Variants in ARHGAP12 observed in about 807,000 individuals in gnomAD.
ARHGAP12 encodes the protein rho GTPase-activating protein 12.
A neutral mutation model predicts 108.6 loss-of-function variants in ARHGAP12; 64 were observed. The ratio of observed to expected loss-of-function variants is 0.59; its 90% CI spans 0.48 to 0.73. ARHGAP12 has a LOEUF of 0.73. Ranked by LOEUF, ARHGAP12 falls within the 30% of genes least tolerant of loss-of-function variation. ARHGAP12 has a pLI of 0.00. For missense variants in ARHGAP12, 940 were observed against 1,005.9 expected (o/e 0.93, Z 0.89); for synonymous variants, 312 against 337.2 (o/e 0.93, Z 0.82).
At chr10:31,842,562 A>G (rs1033100431) in intron 7 of ARHGAP12, among the ~76,000 whole-genome samples, 1 of 152,076 alleles carries the variant, frequency 6.6e-6, no homozygotes, top group African/African-American at 2.4e-5. Context: ...ACAAAGACCA[A>G]TTTTATAGTA....
chr10:31,830,446 T>C (rs557915554), intron 10 of ARHGAP12, among the ~76,000 whole-genome samples: 51 of 152,170 alleles, frequency 3.4e-4, no homozygotes, highest in Non-Finnish European at 5.0e-4. Flanking sequence ...CGAAGAGCTA[T>C]CTGCACTACA....
chr10:31,841,490 A>G (rs1196803676), intron 7 of ARHGAP12, among the ~76,000 whole-genome samples: 1 of 152,158 alleles, frequency 6.6e-6, no homozygotes, highest in South Asian at 2.1e-4. Context: ...CTCTCTCATG[A>G]TGCTGCACAG....
intron 1 of ARHGAP12, among the ~76,000 whole-genome samples, chr10:31,912,728 T>C (rs1029159854): frequency 1.3e-5 from 2 of 152,026 alleles, no homozygotes; most frequent in Non-Finnish European, 2.9e-5. Context: ...CTGAGATAGA[T>C]TTCTAGTCAA....
At chr10:31,911,548 A>G (rs1289020202) in intron 1 of ARHGAP12, among the ~76,000 whole-genome samples, 1 of 152,160 alleles carries the variant, frequency 6.6e-6, no homozygotes, top group African/African-American at 2.4e-5. Context: ...TCCTGGGCTC[A>G]TGTGATCCAC....
chr10:31,878,805 AGAAAATGTTTGCCAAGCCCTGT>A, intron 3 of ARHGAP12, among the ~76,000 whole-genome samples: 1 of 152,348 alleles, frequency 6.6e-6, no homozygotes, highest in South Asian at 2.1e-4. Flanking sequence ...GGCTCTTTAC[AGAAAATGTTTGCCAAGCCCTGT>A]GAAAATACCC....
At chr10:31,807,898 T>C in intron 19 of ARHGAP12, 66 bp from the exon 20 acceptor site, 1 of 1,227,180 alleles carries the variant, frequency 8.1e-7, no homozygotes, top group East Asian at 2.6e-5. Flanking sequence ...TCAAATGGTA[T>C]TATAAACCTA....
intron 3 of ARHGAP12, among the ~76,000 whole-genome samples, chr10:31,879,603 C>A (rs942045881): frequency 1.3e-5 from 2 of 152,164 alleles, no homozygotes; most frequent in Non-Finnish European, 2.9e-5. Context: ...CCAAATATTT[C>A]TCCTCTGACC....
chr10:31,896,603 A>T (rs1838708213), intron 3 of ARHGAP12, among the ~76,000 whole-genome samples: 1 of 152,186 alleles, frequency 6.6e-6, no homozygotes, highest in East Asian at 1.9e-4. Flanking sequence ...TTAAACGAAC[A>T]TCAATGTGAT....
intron 3 of ARHGAP12, among the ~76,000 whole-genome samples, chr10:31,894,339 C>T (rs554347257): frequency 1.1e-4 from 16 of 152,094 alleles, no homozygotes; most frequent in Admixed American, 2.6e-4. Flanking sequence ...GATTGTATAT[C>T]TAGAAAACCC....
At chr10:31,900,460 T>A (rs1838873140) in intron 3 of ARHGAP12, among the ~76,000 whole-genome samples, 1 of 152,176 alleles carries the variant, frequency 6.6e-6, no homozygotes, top group Admixed American at 6.6e-5. Flanking sequence ...CAAGACATCA[T>A]TCAATAGATA....
intron 6 of ARHGAP12, among the ~76,000 whole-genome samples, chr10:31,849,669 T>C (rs1283821295): frequency 1.3e-5 from 2 of 152,144 alleles, no homozygotes; most frequent in African/African-American, 2.4e-5. Context: ...TCAAACCTCT[T>C]CTCCATATCC....
chr10:31,808,572 T>C lies in ARHGAP12; in HGVS notation c.2366+77A>G, dbSNP rs1834904439. 9.3e-6 allele frequency: 12 copies of C among 1,286,856 alleles called. No homozygotes were observed. In the South Asian group the frequency reaches 1.2e-4, roughly 13 times the overall value. 79.7% of individuals were successfully genotyped at this position (1,286,856 alleles called of 1,614,324 possible). ...CATAGCTGGGATCCAAATCTGAGTC[T>C]GAGTGACCCTGGCCCCACAGGCCTT... On this transcript the variant is annotated intron_variant, in intron 19 of 19. Coordinates refer to ENST00000344936, the MANE Select transcript of ARHGAP12 (RefSeq NM_018287.7).
chr10:31,851,212 G>A (rs1026590722), intron 6 of ARHGAP12, among the ~76,000 whole-genome samples: 11 of 152,022 alleles, frequency 7.2e-5, no homozygotes, highest in South Asian at 4.1e-4. Context: ...ATATGACTCC[G>A]TAATTAATTT....
intron 15 of ARHGAP12, among the ~76,000 whole-genome samples, chr10:31,811,989 T>C (rs1025064497): frequency 2.0e-5 from 3 of 152,182 alleles, no homozygotes; most frequent in Non-Finnish European, 4.4e-5. Context: ...GCTTGCGTGT[T>C]TTAATGCAGA....
intron 11 of ARHGAP12, 67 bp from the exon 12 acceptor site, chr10:31,820,555 T>A: frequency 1.2e-6 from 1 of 842,178 alleles, no homozygotes; most frequent in Non-Finnish European, 1.7e-6. Context: ...CAAAAATAAT[T>A]AAGAACAATT....
At chr10:31,913,775 G>GCTTTT (rs112598142) in intron 1 of ARHGAP12, 2 of 146,648 alleles carry the variant, frequency 1.4e-5, no homozygotes. Context: ...GTTCTAGCAG[G>GCTTTT]GTTTTTTTTT....
chr10:31,896,633 G>C (rs567992337), intron 3 of ARHGAP12, among the ~76,000 whole-genome samples: 27 of 152,232 alleles, frequency 1.8e-4, no homozygotes, highest in African/African-American at 6.0e-4. Flanking sequence ...GAAAAAAAGG[G>C]CTTCAGCAAA....
intron 2 of ARHGAP12, among the ~76,000 whole-genome samples, chr10:31,910,018 G>A (rs995266414): frequency 6.6e-6 from 1 of 152,134 alleles, no homozygotes; most frequent in Non-Finnish European, 1.5e-5. Context: ...GAACACCAAG[G>A]ACTGCTGGCA....
intron 3 of ARHGAP12, among the ~76,000 whole-genome samples, chr10:31,891,579 G>A (rs1248849634): frequency 6.6e-6 from 1 of 150,528 alleles, no homozygotes; most frequent in African/African-American, 2.4e-5. Flanking sequence ...TCTTCTCGAG[G>A]AGTATCTCTG....
Sources: gnomAD v4.1 joint callset for allele counts (sites outside exome capture counted in the v4.1 genomes callset) on GRCh38, gnomAD v4.1.1 for gene constraint, MANE v1.5 for transcripts, NCBI Gene and HGNC (gene_info 2026-07-23, HGNC 2026-07-21) for gene names.